Variants in DGKI observed in about 807,000 individuals in gnomAD.
DGKI encodes DAG kinase iota.
A neutral mutation model predicts 147.5 loss-of-function variants in DGKI; 55 were observed. The observed-to-expected ratio is 0.37, with a 90% CI of 0.30 to 0.47. The LOEUF (loss-of-function observed/expected upper bound fraction) is 0.47. Ranked by LOEUF, DGKI falls within the 20% of genes least tolerant of loss-of-function variation. The pLI is 1.00. For synonymous variants in DGKI, 469 were observed against 477.1 expected, an observed-to-expected ratio of 0.98 and a Z score of 0.22; for missense variants, 1,007 against 1,323.8, an observed-to-expected ratio of 0.76 and a Z score of 3.71.
At chr7:137,543,490 A>G (rs991648516) in intron 20 of DGKI, among the ~76,000 whole-genome samples, 7 of 152,142 alleles carry the variant, frequency 4.6e-5, no homozygotes, top group African/African-American at 1.7e-4. Flanking sequence ...CATACATTGC[A>G]TTGTTACCAC....
chr7:137,428,321 T>C, intron 28 of DGKI, among the ~76,000 whole-genome samples: 1 of 152,188 alleles, frequency 6.6e-6, no homozygotes, highest in Non-Finnish European at 1.5e-5. Context: ...TCTCAATAGA[T>C]GCAGAAAAGG....
intron 8 of DGKI, among the ~76,000 whole-genome samples, chr7:137,618,621 A>G (rs1323178827): frequency 1.3e-5 from 2 of 152,026 alleles, no homozygotes; most frequent in East Asian, 1.9e-4. Context: ...AGAGATTACC[A>G]AATTTTAGAA....
chr7:137,836,955 A>G (rs1798402091), intron 1 of DGKI, among the ~76,000 whole-genome samples: 1 of 152,236 alleles, frequency 6.6e-6, no homozygotes, highest in African/African-American at 2.4e-5. Context: ...CTAATAAACC[A>G]CTAGATTGTG....
At chr7:137,466,202 T>G (rs57715930) in intron 25 of DGKI, among the ~76,000 whole-genome samples, 167 bp from the exon 26 acceptor site, 13,180 of 152,330 alleles carry the variant, frequency 0.087, 1,912 homozygotes, top group African/African-American at 0.3. Flanking sequence ...CAGTGGGAGA[T>G]AGGGAGAGAT....
At chr7:137,396,571 C>T (rs1260081875) in intron 31 of DGKI, among the ~76,000 whole-genome samples, 1 of 152,150 alleles carries the variant, frequency 6.6e-6, no homozygotes, top group African/African-American at 2.4e-5. Flanking sequence ...GCATGTGGAC[C>T]AGCTCTATGG....
At chr7:137,486,736 A>G (rs1815575141) in intron 22 of DGKI, among the ~76,000 whole-genome samples, 1 of 152,142 alleles carries the variant, frequency 6.6e-6, no homozygotes, top group South Asian at 2.1e-4. Context: ...AAGTGGTTAC[A>G]ACTCAGAGGG....
chr7:137,521,213 C>G (rs556971653), intron 21 of DGKI, among the ~76,000 whole-genome samples: 21 of 152,016 alleles, frequency 1.4e-4, no homozygotes, highest in Admixed American at 8.5e-4. Context: ...CAGAATGTAC[C>G]AGATTGTAAA....
At chr7:137,785,993 A>G (rs1359494749) in intron 1 of DGKI, among the ~76,000 whole-genome samples, 2 of 152,104 alleles carry the variant, frequency 1.3e-5, no homozygotes, top group Non-Finnish European at 2.9e-5. Flanking sequence ...AAGCCATCCA[A>G]GACAAACCCA....
intron 20 of DGKI, among the ~76,000 whole-genome samples, chr7:137,546,948 T>C (rs1817888141): frequency 6.6e-6 from 1 of 152,206 alleles, no homozygotes; most frequent in Non-Finnish European, 1.5e-5. Flanking sequence ...AATTCAAAGT[T>C]TGCTGACTAG....
At chr7:137,762,107 C>T (rs1477100111) in intron 1 of DGKI, among the ~76,000 whole-genome samples, 1 of 152,216 alleles carries the variant, frequency 6.6e-6, no homozygotes, top group African/African-American at 2.4e-5. Context: ...TTACCCCTCT[C>T]AAATCATTCC....
At chr7:137,558,333 G>A (rs1399482211) in intron 19 of DGKI, among the ~76,000 whole-genome samples, 3 of 152,172 alleles carry the variant, frequency 2.0e-5, no homozygotes, top group Admixed American at 6.5e-5. Flanking sequence ...AGGCTGGAGT[G>A]CAGTGGCACG....
rs1811164580 is a variant in DGKI at position 137,385,908 on chromosome 7, C to A, written c.*5312G>T. 1.3e-5 allele frequency: 2 copies of A among 152,046 alleles called. No individual in the cohort carries two copies. The highest frequency in any genetic ancestry group is 1.3e-4 in the Admixed American group (2 of 15,238). The allele number at this position is 152,046 out of a possible 1,614,324, so 9.4% of individuals were successfully genotyped here. A position where few individuals can be genotyped will look rare whatever the true frequency, so the allele number is the denominator to read the frequency against. Reference sequence around the variant, plus strand: ...GGAATTTGTCTTTTCTTCTAGATGCCAGCTTCATGAAATCAAGAGTTTTGT... The same window carrying A: ...GGAATTTGTCTTTTCTTCTAGATGCAAGCTTCATGAAATCAAGAGTTTTGT... On this transcript the variant is annotated 3_prime_UTR_variant, in exon 33 of 33. Coordinates refer to ENST00000614521, the MANE Select transcript of DGKI (RefSeq NM_001321708.2).
At chr7:137,660,694 T>C (rs771300883) in intron 3 of DGKI, among the ~76,000 whole-genome samples, 1 of 152,028 alleles carries the variant, frequency 6.6e-6, no homozygotes, top group African/African-American at 2.4e-5. Context: ...AAGAAAGCTA[T>C]TTTTTTTCTT....
Position 137,770,818 on chromosome 7 carries a change from C to G in DGKI, c.401+75644G>C, listed in dbSNP as rs1796170633. Among the ~76,000 whole-genome samples the G allele has an allele frequency of 4.1e-5, 2 of 48,694 alleles. 1 individual carries two copies. The highest frequency in any genetic ancestry group is 1.2e-3 in the South Asian group (2 of 1,738). 31.9% of individuals were successfully genotyped at this position (48,694 alleles called of 152,430 possible). On this transcript the variant is annotated intron_variant, in intron 1 of 32. Transcript: ENST00000614521. The stretch of plus-strand genomic sequence containing the variant: ...AAAGTGCTGGGATTACAGGCGTGAG[C>G]CACCGCGCCCGGCCCTCAGTGGGTT...
At chr7:137,594,327 G>A (rs551936570) in intron 12 of DGKI, among the ~76,000 whole-genome samples, 131 of 152,164 alleles carry the variant, frequency 8.6e-4, no homozygotes, top group Non-Finnish European at 1.7e-3. Context: ...GATTATAGGC[G>A]TGAGCCACCA....
intron 27 of DGKI, chr7:137,454,726 T>C (rs1814117804): frequency 3.9e-5 from 6 of 152,180 alleles, no homozygotes; most frequent in Admixed American, 3.9e-4. Flanking sequence ...AGGCACATTA[T>C]TCTAAAATCC....
chr7:137,815,991 T>C (rs1411735346), intron 1 of DGKI, among the ~76,000 whole-genome samples: 3 of 152,296 alleles, frequency 2.0e-5, no homozygotes, highest in East Asian at 3.9e-4. Flanking sequence ...CTGATTTCAG[T>C]TCCCATTACA....
chr7:137,638,121 A>G (rs1821378385), intron 6 of DGKI, among the ~76,000 whole-genome samples: 1 of 152,070 alleles, frequency 6.6e-6, no homozygotes, highest in Non-Finnish European at 1.5e-5. Context: ...TGCCCTAGGG[A>G]ATCCCAGTGT....
chr7:137,472,399 T>TATA (rs1815009258), intron 23 of DGKI, among the ~76,000 whole-genome samples: 2 of 108,744 alleles, frequency 1.8e-5, no homozygotes, highest in Non-Finnish European at 3.5e-5. Flanking sequence ...ATATTATAAT[T>TATA]ATTATATGTA....
Sources: allele counts gnomAD v4.1 joint callset (sites outside exome capture counted in the v4.1 genomes callset), GRCh38; gene constraint gnomAD v4.1.1; transcripts MANE v1.5; gene names NCBI Gene and HGNC (gene_info 2026-07-23, HGNC 2026-07-21).